ANOS1: variants seen among roughly 807,000 people sequenced by gnomAD.
ANOS1 encodes anosmin-1.
In ANOS1, 6 loss-of-function variants were observed where a neutral mutation model predicts 59.0. That is an observed-to-expected ratio of 0.10 (90% CI 0.06 to 0.20). The LOEUF (loss-of-function observed/expected upper bound fraction) is 0.20, where lower values mean the gene tolerates loss of function less well. ANOS1 is among the 10% of genes least tolerant of loss of function. ANOS1 has a pLI of 1.00. For missense variants in ANOS1, 433 were observed against 542.3 expected (o/e 0.80, Z 2.00); for synonymous variants, 217 against 223.4 (o/e 0.97, Z 0.25).
chrX:8,550,177 A>G (rs1319082484), intron 9 of ANOS1, among the ~76,000 whole-genome samples: 1 of 112,195 alleles, frequency 8.9e-6, no homozygotes. Flanking sequence ...ATATATGAAT[A>G]TAAAATATAT....
At chrX:8,658,584 C>T (rs913938043) in intron 2 of ANOS1, among the ~76,000 whole-genome samples, 1 of 112,230 alleles carries the variant, frequency 8.9e-6, no homozygotes, top group Non-Finnish European at 1.9e-5. Flanking sequence ...GAATTTAATA[C>T]TTGCTCTCAG....
intron 9 of ANOS1, among the ~76,000 whole-genome samples, chrX:8,548,962 G>A (rs759046192): frequency 1.2e-4 from 13 of 111,839 alleles, no homozygotes; most frequent in Non-Finnish European, 1.1e-4. Context: ...ATAGAGGCTA[G>A]TTTACCTCCG....
intron 6 of ANOS1, among the ~76,000 whole-genome samples, chrX:8,573,699 T>G (rs750779157): frequency 9.0e-6 from 1 of 110,708 alleles, no homozygotes; most frequent in South Asian, 3.8e-4. Flanking sequence ...CAAAGAAAAA[T>G]CATGATCCCT....
chrX:8,618,417 T>C (rs1009024945), intron 3 of ANOS1, among the ~76,000 whole-genome samples: 1 of 111,958 alleles, frequency 8.9e-6, no homozygotes, highest in African/African-American at 3.3e-5. Flanking sequence ...TGACATCCAC[T>C]GAGTTCTTAC....
At chrX:8,673,135 A>T (rs1020295617) in intron 2 of ANOS1, among the ~76,000 whole-genome samples, 1 of 110,956 alleles carries the variant, frequency 9.0e-6, no homozygotes, top group Non-Finnish European at 1.9e-5. Context: ...ATATAACAGG[A>T]TATTAAGATG....
intron 2 of ANOS1, among the ~76,000 whole-genome samples, chrX:8,656,123 T>C (rs980102232): frequency 1.8e-5 from 2 of 112,325 alleles, no homozygotes; most frequent in Non-Finnish European, 3.8e-5. Context: ...CCAATTTTTA[T>C]GCCTACAATA....
At chrX:8,705,822 G>A (rs112959314) in intron 1 of ANOS1, among the ~76,000 whole-genome samples, 2,020 of 112,489 alleles carry the variant, frequency 0.018, 48 homozygotes, top group African/African-American at 0.063. Flanking sequence ...AAGAGTCAAA[G>A]TACATTAGGC....
chrX:8,636,655 G>C (rs1931577796), intron 2 of ANOS1, among the ~76,000 whole-genome samples: 1 of 111,792 alleles, frequency 8.9e-6, no homozygotes, highest in Admixed American at 9.5e-5. Flanking sequence ...ATATCTATCT[G>C]TGTGGCTTGG....
At chrX:8,540,285 T>G (rs1929662048) in intron 9 of ANOS1, among the ~76,000 whole-genome samples, 1 of 111,561 alleles carries the variant, frequency 9.0e-6, no homozygotes, top group Non-Finnish European at 1.9e-5. Context: ...CTATCCACGT[T>G]TATTTCCTGT....
At position 8,597,276 on chromosome X, in the gene ANOS1, T is replaced by A. The variant is rs56261158; in HGVS notation, c.319-20A>T. 1.8e-4 allele frequency: 205 copies of A among 1,153,767 alleles called. No individual in the cohort carries two copies. The highest frequency in any genetic ancestry group is 3.2e-4 in the Admixed American group (14 of 44,345). On this transcript the variant is annotated intron_variant, in intron 3 of 13. Coordinates refer to ENST00000262648, the MANE Select transcript of ANOS1 (RefSeq NM_000216.4). ...GAGAGGCTAAGTCAAAGAAGAATTT[T>A]AAAAAATATTCCATTAAAGACACAT...
At chrX:8,628,229 ACC>A (rs967468614) in intron 2 of ANOS1, among the ~76,000 whole-genome samples, 2 of 111,461 alleles carry the variant, frequency 1.8e-5, no homozygotes, top group Non-Finnish European at 3.8e-5. Context: ...TCCAGAAGCT[ACC>A]CTATATGGTC....
At chrX:8,677,621 A>C (rs761845127) in intron 2 of ANOS1, among the ~76,000 whole-genome samples, 7 of 111,745 alleles carry the variant, frequency 6.3e-5, no homozygotes, top group Non-Finnish European at 1.1e-4. Flanking sequence ...TTAAAAAGAA[A>C]ATTTACTGAG....
intron 12 of ANOS1, chrX:8,535,052 G>A (rs1929565470): frequency 2.6e-5 from 3 of 116,920 alleles, no homozygotes; most frequent in African/African-American, 1.0e-4. Flanking sequence ...TTTTGTAACG[G>A]TAGTTGGCTA....
At chrX:8,533,955 G>GA (rs1234533282) in intron 13 of ANOS1, among the ~76,000 whole-genome samples, 229 of 92,987 alleles carry the variant, frequency 2.5e-3, no homozygotes, top group African/African-American at 8.2e-3. Context: ...TGCAAGGAAG[G>GA]AAAAAAAAAA....
chrX:8,649,272 G>A (rs918926651), intron 2 of ANOS1, among the ~76,000 whole-genome samples: 4 of 112,103 alleles, frequency 3.6e-5, no homozygotes, highest in African/African-American at 1.3e-4. Flanking sequence ...CAAAATGTCA[G>A]GGTTTATTAA....
chrX:8,577,826 G>A lies in ANOS1; in HGVS notation c.857-7122C>T, dbSNP rs377074428. On this transcript the variant is annotated intron_variant, in intron 6 of 13. Transcript: ENST00000262648. The stretch of plus-strand genomic sequence containing the variant: ...AATAAAATCACTTATCACCCTTGGA[G>A]AAATGCAGGCCTATTATTGCACTGA... Among the ~76,000 whole-genome samples the A allele has an allele frequency of 2.2e-4, 25 of 111,782 alleles. 1 individual carries two copies. The South Asian group carries it at 4.6e-3, about 20-fold the overall frequency.
At chrX:8,558,624 A>G (rs766737830) in intron 8 of ANOS1, among the ~76,000 whole-genome samples, 39 of 112,051 alleles carry the variant, frequency 3.5e-4, no homozygotes, top group African/African-American at 1.1e-3. Context: ...TAATATTACA[A>G]TACCATTTCG....
intron 2 of ANOS1, among the ~76,000 whole-genome samples, chrX:8,655,786 C>T (rs922132868): frequency 1.4e-4 from 16 of 112,210 alleles, no homozygotes; most frequent in African/African-American, 5.2e-4. Flanking sequence ...TGAGATCCCC[C>T]AAATTATTAT....
At chrX:8,634,477 A>C (rs996576108) in intron 2 of ANOS1, among the ~76,000 whole-genome samples, 5 of 111,705 alleles carry the variant, frequency 4.5e-5, no homozygotes, top group African/African-American at 1.6e-4. Context: ...TTGTAAATAA[A>C]GTTTTATTGG....
Sources: allele counts gnomAD v4.1 joint callset (sites outside exome capture counted in the v4.1 genomes callset), GRCh38; gene constraint gnomAD v4.1.1; transcripts MANE v1.5; gene names NCBI Gene and HGNC (gene_info 2026-07-23, HGNC 2026-07-21).